DOCK8: variants seen among roughly 807,000 people sequenced by gnomAD.
DOCK8 encodes dedicator of cytokinesis 8, also known as dedicator of cytokinesis protein 8.
DOCK8 carries 141 observed loss-of-function variants against 245.6 expected under a neutral mutation model. The ratio of observed to expected loss-of-function variants is 0.57; its 90% confidence interval spans 0.50 to 0.66. DOCK8 has a LOEUF of 0.66. Ranked by LOEUF, DOCK8 falls within the 30% of genes least tolerant of loss-of-function variation. DOCK8 has a pLI of 0.00. For missense variants in DOCK8, 2,965 were observed against 2,603.4 expected, an observed-to-expected ratio of 1.14 and a Z score of -3.02; for synonymous variants, 1,168 against 970.2, an observed-to-expected ratio of 1.20 and a Z score of -3.79.
chr9:311,281 T>G (rs1320487225), intron 5 of DOCK8, among the ~76,000 whole-genome samples: 4 of 138,800 alleles, frequency 2.9e-5, no homozygotes, highest in Non-Finnish European at 4.6e-5. Context: ...CAAGACTCGG[T>G]CTTTAAAAAA....
chr9:340,647 G>T, intron 14 of DOCK8: 1 of 218,750 alleles, frequency 4.6e-6, no homozygotes, highest in East Asian at 1.1e-4. Context: ...AAGAAAAGCA[G>T]GTTCTTGGAA....
At chr9:352,433 G>A (rs2052214655) in intron 14 of DOCK8, among the ~76,000 whole-genome samples, 1 of 152,044 alleles carries the variant, frequency 6.6e-6, no homozygotes. Context: ...GGCATCCCAG[G>A]CCAGCAGCCA....
At chr9:310,821 A>T (rs1244715133) in intron 5 of DOCK8, among the ~76,000 whole-genome samples, 1 of 152,228 alleles carries the variant, frequency 6.6e-6, no homozygotes, top group East Asian at 1.9e-4. Flanking sequence ...AATTAGTATG[A>T]CAGACAAATT....
chr9:462,110 C>G (rs962285833), intron 46 of DOCK8, among the ~76,000 whole-genome samples: 4 of 151,498 alleles, frequency 2.6e-5, no homozygotes, highest in Admixed American at 2.0e-4. Context: ...TGTTAGTTTT[C>G]CCTCGTGGTG....
Position 286,575 on chromosome 9 carries a change from T to G in DOCK8, c.271T>G (p.Leu91Val). The change falls in exon 3 of 48, where the codon TTG becomes GTG. Residue 91 changes from leucine (L) to valine (V), a missense_variant. By Grantham distance (32) the Leu-to-Val change is conservative. This residue lies in a region of DOCK8 where 2,825 missense variants were observed against 2,453.5 expected (regional missense o/e 1.15). Coordinates refer to ENST00000432829, the MANE Select transcript of DOCK8 (RefSeq NM_203447.4). ...GCTCGGGGACTTCACTGATGACGAC[T>G]TGGACGTGGTGTTCACGCCAAAGGA... ...QELGDFTDDD[L>V]DVVFTPKECR... is the part of the protein sequence containing the mutation. 1 of 1,614,024 alleles carries G rather than the reference T, an allele frequency of 6.2e-7. No homozygotes were observed. The highest frequency in any genetic ancestry group is 8.5e-7 in the Non-Finnish European group (1 of 1,179,948).
chr9:227,285 G>A (rs1028494196), intron 1 of DOCK8, among the ~76,000 whole-genome samples: 7 of 152,136 alleles, frequency 4.6e-5, no homozygotes, highest in Non-Finnish European at 8.8e-5. Context: ...TAGTTTTGGG[G>A]GGATGATTTT....
At chr9:345,486 G>T (rs2051835094) in intron 14 of DOCK8, among the ~76,000 whole-genome samples, 1 of 152,182 alleles carries the variant, frequency 6.6e-6, no homozygotes, top group African/African-American at 2.4e-5. Flanking sequence ...AATAGCAGAT[G>T]TTTTCTGGCC....
At chr9:231,119 T>C (rs1431065094) in intron 1 of DOCK8, among the ~76,000 whole-genome samples, 2 of 152,158 alleles carry the variant, frequency 1.3e-5, no homozygotes, top group Non-Finnish European at 2.9e-5. Flanking sequence ...TTTCTACATA[T>C]GGCTAGCCAG....
At chr9:446,756 A>G (rs2131845283) in intron 44 of DOCK8, 150 bp downstream of exon 44, 4 of 726,234 alleles carry the variant, frequency 5.5e-6, no homozygotes, top group Non-Finnish European at 9.7e-6. Flanking sequence ...TCACTCTCAT[A>G]GTGCCAGAAA....
intron 11 of DOCK8, among the ~76,000 whole-genome samples, chr9:335,283 AG>A (rs1435178552): frequency 1.3e-5 from 2 of 152,082 alleles, no homozygotes; most frequent in Non-Finnish European, 2.9e-5. Flanking sequence ...AATTTTCAAA[AG>A]GGTTGCAAAT....
chr9:224,227 A>C (rs541645), intron 1 of DOCK8, among the ~76,000 whole-genome samples: 50,253 of 151,952 alleles, frequency 0.33, 8,501 homozygotes, highest in African/African-American at 0.39. Context: ...ATAACCACTT[A>C]CTCATTTCCT....
chr9:270,255 C>G (rs1184159823), intron 1 of DOCK8, among the ~76,000 whole-genome samples: 1 of 152,246 alleles, frequency 6.6e-6, no homozygotes, highest in Non-Finnish European at 1.5e-5. Context: ...TGGGGTTTCA[C>G]ACTTCCTTGC....
Position 327,034 on chromosome 9 carries a change from A to G in DOCK8, c.895-988A>G, listed in dbSNP as rs190545572. ...CATGCTCTTGCTCAGAATCTTCACT[A>G]AGATTCATTCCCTACAACCAGGCTT... On this transcript the variant is annotated intron_variant, in intron 8 of 47. Coordinates refer to ENST00000432829, the MANE Select transcript of DOCK8 (RefSeq NM_203447.4). Among the ~76,000 whole-genome samples the G allele has an allele frequency of 5.6e-3, 846 of 152,298 alleles. 2 individuals carry two copies. The highest frequency in any genetic ancestry group is 7.9e-3 in the Non-Finnish European group (538 of 68,020).
chr9:406,884 A>T (rs770241047), intron 27 of DOCK8, 46 bp from the exon 28 acceptor site: 1 of 1,613,656 alleles, frequency 6.2e-7, no homozygotes, highest in Non-Finnish European at 8.5e-7. Context: ...CGCTATTTTC[A>T]TTCCAGTTCT....
rs1317336731 is a variant in DOCK8 at position 286,598 on chromosome 9, G to T, written c.294G>T (p.Lys98Asn). 6.2e-7 allele frequency: 1 copy of T among 1,613,976 alleles called. No individual in the cohort carries two copies. The change falls in exon 3 of 48, where the codon AAG (lysine) becomes AAT (asparagine). Residue 98 changes from lysine to asparagine, a missense_variant. This residue lies in a region of DOCK8 where 2,825 missense variants were observed against 2,453.5 expected (regional missense o/e 1.15). Transcript: ENST00000432829. ...DDDLDVVFTP[K>N]ECRTLQPSLP... is the part of the protein sequence containing the mutation. ...ACTTGGACGTGGTGTTCACGCCAAA[G>T]GAATGTAGGACTTTGCAGCCCTCTT...
rs775105153 is a variant in DOCK8, at chr9:446,526, T to C, written c.5737T>C (p.Tyr1913His). The C allele has an allele frequency of 6.2e-7, 1 of 1,614,064 alleles. No individual in the cohort carries two copies. The highest frequency in any genetic ancestry group is 1.3e-5 in the African/African-American group (1 of 74,912). The change falls in exon 44 of 48, where the codon TAC becomes CAC. Residue 1913 changes from tyrosine (Y) to histidine (H), a missense_variant. By Grantham distance (83) the Tyr-to-His change is moderately conservative (BLOSUM62 2). This residue lies in a region of DOCK8 where 2,825 missense variants were observed against 2,453.5 expected (regional missense o/e 1.15). Coordinates refer to ENST00000432829, the MANE Select transcript of DOCK8 (RefSeq NM_203447.4). ...GCCTCGGGGAGAGCTGCATGAGCAGTACAGAAGGAACACAGTCCTGACCAC... is the reference window on the plus strand; with the variant it reads ...GCCTCGGGGAGAGCTGCATGAGCAGCACAGAAGGAACACAGTCCTGACCAC... ...GRPRGELHEQYRRNTVLTTMH... is the reference protein window; with the variant it reads ...GRPRGELHEQHRRNTVLTTMH...
intron 39 of DOCK8, 112 bp downstream of exon 39, chr9:435,087 C>A: frequency 3.1e-6 from 4 of 1,292,190 alleles, no homozygotes; most frequent in South Asian, 2.5e-5. Context: ...GTTATCACAA[C>A]TGGGATGGGT....
chr9:267,707 C>T (rs1371174643), intron 1 of DOCK8, among the ~76,000 whole-genome samples: 2 of 152,118 alleles, frequency 1.3e-5, no homozygotes, highest in East Asian at 3.9e-4. Flanking sequence ...ATGCAGGTTT[C>T]CATGGGTCAA....
At chr9:343,170 G>T (rs746698218) in intron 14 of DOCK8, among the ~76,000 whole-genome samples, 1 of 152,080 alleles carries the variant, frequency 6.6e-6, no homozygotes, top group Admixed American at 6.5e-5. Flanking sequence ...ATTAAGACCC[G>T]GAAAGGATAA....
Sources: gnomAD v4.1 joint callset for allele counts (sites outside exome capture counted in the v4.1 genomes callset) on GRCh38, gnomAD v4.1.1 for gene constraint, gnomAD v4.1.1 regional missense constraint, MANE v1.5 for transcripts, NCBI Gene and HGNC (gene_info 2026-07-23, HGNC 2026-07-21) for gene names.